MAGI1: variants seen among roughly 807,000 people sequenced by gnomAD.
MAGI1 encodes membrane associated guanylate kinase, WW and PDZ domain containing 1.
MAGI1 carries 58 observed loss-of-function variants against 139.9 expected under a neutral mutation model. The ratio of observed to expected loss-of-function variants is 0.41; its 90% CI spans 0.34 to 0.52. The LOEUF is 0.52. Among genes scored for constraint, MAGI1 ranks in the 20% least tolerant of loss-of-function variants. MAGI1 has a pLI of 0.12. For synonymous variants in MAGI1, 812 were observed against 737.9 expected (o/e 1.10, Z -1.63); for missense variants, 1,874 against 1,901.6 (o/e 0.99, Z 0.27).
At chr3:65,616,825 C>T (rs948841538) in intron 2 of MAGI1, among the ~76,000 whole-genome samples, 1 of 152,204 alleles carries the variant, frequency 6.6e-6, no homozygotes, top group African/African-American at 2.4e-5. Context: ...AACTATTTTC[C>T]AACATCCAGT....
At chr3:65,812,732 C>CA (rs1463041140) in intron 1 of MAGI1, among the ~76,000 whole-genome samples, 1 of 63,316 alleles carries the variant, frequency 1.6e-5, no homozygotes, top group Non-Finnish European at 2.8e-5. Flanking sequence ...TTTTTTGAGA[C>CA]AGAGTTTTGC....
intron 1 of MAGI1, among the ~76,000 whole-genome samples, chr3:65,848,332 C>A (rs2059079398): frequency 6.6e-6 from 1 of 152,150 alleles, no homozygotes; most frequent in East Asian, 1.9e-4. Flanking sequence ...GTTTCGTATC[C>A]TACGCTGGTT....
At chr3:65,608,011 G>A (rs753350175) in intron 2 of MAGI1, among the ~76,000 whole-genome samples, 1 of 152,194 alleles carries the variant, frequency 6.6e-6, no homozygotes, top group Non-Finnish European at 1.5e-5. Flanking sequence ...TACAAAGCAG[G>A]TATCATTAGC....
At chr3:65,794,026 C>T (rs767676767) in intron 1 of MAGI1, among the ~76,000 whole-genome samples, 1 of 152,110 alleles carries the variant, frequency 6.6e-6, no homozygotes. Flanking sequence ...GCAAGACAGC[C>T]ACCATATCTG....
chr3:65,721,945 C>T (rs748408784), intron 1 of MAGI1, among the ~76,000 whole-genome samples: 1 of 151,822 alleles, frequency 6.6e-6, no homozygotes, highest in African/African-American at 2.4e-5. Flanking sequence ...TCTGGGCTCT[C>T]GACTATCCAG....
At chr3:65,999,456 T>C (rs1261820008) in intron 1 of MAGI1, among the ~76,000 whole-genome samples, 2 of 152,130 alleles carry the variant, frequency 1.3e-5, no homozygotes, top group East Asian at 3.9e-4. Context: ...GACCTACCGA[T>C]ATCTTTCTTT....
intron 1 of MAGI1, among the ~76,000 whole-genome samples, chr3:65,812,699 CTTTTTTTTTTTT>C (rs539502538): frequency 3.0e-4 from 22 of 72,888 alleles, no homozygotes; most frequent in Non-Finnish European, 4.9e-4. Flanking sequence ...AGTTAGTTTA[CTTTTTTTTTTTT>C]TTTTTTTTTT....
intron 12 of MAGI1, among the ~76,000 whole-genome samples, chr3:65,424,671 C>T (rs555814630): frequency 3.8e-4 from 58 of 152,204 alleles, no homozygotes; most frequent in South Asian, 4.2e-4. Context: ...CTGAAATGGA[C>T]CTTAGGGAAG....
intron 1 of MAGI1, among the ~76,000 whole-genome samples, chr3:65,978,350 A>G (rs2065368660): frequency 6.6e-6 from 1 of 152,160 alleles, no homozygotes; most frequent in Non-Finnish European, 1.5e-5. Context: ...CCACACTGAT[A>G]AGTAGGAAAT....
chr3:65,447,474 G>A (rs1405672442), intron 7 of MAGI1, among the ~76,000 whole-genome samples: 1 of 152,122 alleles, frequency 6.6e-6, no homozygotes, highest in Non-Finnish European at 1.5e-5. Context: ...TCACTACAAT[G>A]GCAAGGTCAA....
Position 65,949,836 on chromosome 3 carries a change from C to G in MAGI1, c.313+88160G>C, listed in dbSNP as rs373444102. The stretch of plus-strand genomic sequence containing the variant: ...CGGTGGCACATGCCTGTAATCCCAG[C>G]TCAAGAGTTTGAGACCAGCCTGCGC... On this transcript the variant is annotated intron_variant, in intron 1 of 22. Transcript: ENST00000402939. Among the ~76,000 whole-genome samples, 32 of 152,146 alleles carry G rather than the reference C, an allele frequency of 2.1e-4. No individual in the cohort carries two copies. The East Asian group carries it at 3.1e-3, about 15-fold the overall frequency.
At chr3:65,591,235 T>C (rs779106502) in intron 2 of MAGI1, among the ~76,000 whole-genome samples, 2 of 152,160 alleles carry the variant, frequency 1.3e-5, no homozygotes, top group Non-Finnish European at 2.9e-5. Flanking sequence ...AACTAAGAGA[T>C]GACCCACCCC....
chr3:65,791,237 GGAA>G (rs776128075), intron 1 of MAGI1, among the ~76,000 whole-genome samples: 2 of 152,126 alleles, frequency 1.3e-5, no homozygotes, highest in Non-Finnish European at 2.9e-5. Context: ...AGCCTGCGTG[GGAA>G]GAACACACAC....
intron 2 of MAGI1, among the ~76,000 whole-genome samples, chr3:65,584,051 A>AT (rs66536961): frequency 0.073 from 9,726 of 133,838 alleles, 707 homozygotes; most frequent in African/African-American, 0.19. Context: ...CTCTACCCCT[A>AT]TTTCCATTAG....
intron 4 of MAGI1, among the ~76,000 whole-genome samples, chr3:65,473,871 A>C (rs1259357009): frequency 6.6e-6 from 1 of 152,190 alleles, no homozygotes; most frequent in Non-Finnish European, 1.5e-5. Flanking sequence ...CTCTGAAAGA[A>C]AATGGAAAGT....
In MAGI1 at chr3:65,856,789, C is replaced by T. The variant is rs185066562; in HGVS notation, c.313+181207G>A. On this transcript the variant is annotated intron_variant, in intron 1 of 22. Coordinates refer to ENST00000402939, the MANE Select transcript of MAGI1 (RefSeq NM_001033057.2). ...CTTAACCCTCTCTGCAAAACTACAA[C>T]GGTCTCTTGGCTCCAGCCAGCCGCA... is the stretch of plus-strand genomic sequence containing the variant. Among the ~76,000 whole-genome samples, 272 of 152,298 alleles carry T rather than the reference C, an allele frequency of 1.8e-3. 1 individual carries two copies. In the Middle Eastern group the frequency reaches 0.024, roughly 13 times the overall value.
chr3:65,685,988 C>T (rs554815098), intron 1 of MAGI1, among the ~76,000 whole-genome samples: 1 of 152,286 alleles, frequency 6.6e-6, no homozygotes, highest in African/African-American at 2.4e-5. Flanking sequence ...AATCTGTCAG[C>T]TGCAAATATG....
chr3:65,420,055 A>C (rs900700530), intron 12 of MAGI1, among the ~76,000 whole-genome samples: 5 of 152,090 alleles, frequency 3.3e-5, no homozygotes, highest in African/African-American at 9.7e-5. Flanking sequence ...GAACTACTGC[A>C]AAAGCCCTCA....
chr3:65,466,531 CTAGGCTGGGAGGGG>C (rs896988478), intron 5 of MAGI1, among the ~76,000 whole-genome samples: 3 of 152,124 alleles, frequency 2.0e-5, no homozygotes, highest in African/African-American at 7.2e-5. Flanking sequence ...TTGATACCAG[CTAGGCTGGGAGGGG>C]TAGGACTATC....
Sources: allele counts gnomAD v4.1 joint callset (sites outside exome capture counted in the v4.1 genomes callset), GRCh38; gene constraint gnomAD v4.1.1; transcripts MANE v1.5; gene names NCBI Gene and HGNC (gene_info 2026-07-23, HGNC 2026-07-21).